The following SSRP1 variants were observed in gnomAD, a reference collection of about 807,000 sequenced individuals.
SSRP1 encodes FACT complex subunit SSRP1.
In SSRP1, 21 loss-of-function variants were observed where a neutral mutation model predicts 84.4. That is an observed-to-expected ratio of 0.25 (90% CI 0.18 to 0.36). The LOEUF is 0.36. SSRP1 is among the 10% of genes least tolerant of loss of function. The pLI is 1.00. For synonymous variants in SSRP1, 319 were observed against 318.3 expected (o/e 1.00, Z -0.02); for missense variants, 519 against 900.8 (o/e 0.58, Z 5.43).
Position 57,334,601 on chromosome 11 carries a change from A to G in SSRP1, c.102T>C (p.Asn34=), listed in dbSNP as rs150859408. 52 of 1,614,068 alleles carry G rather than the reference A, an allele frequency of 3.2e-5. No homozygotes were observed. In the African/African-American group the frequency reaches 6.0e-4, roughly 19 times the overall value. Residue 34 remains asparagine, a synonymous_variant, in exon 3 of 17, where the codon AAT becomes AAC. Transcript: ENST00000278412. Reference sequence around the variant, plus strand: ...TGTTGTCCACTTTGCCTGTCTTGCTATTCTTGAAGATGATGCCCTGACGGC... The same window carrying G: ...TGTTGTCCACTTTGCCTGTCTTGCTGTTCTTGAAGATGATGCCCTGACGGC... The part of the protein sequence containing the change: ...RLSRQGIIFK[N]SKTGKVDNIQ...
chr11:57,328,387 C>T lies in SSRP1; in HGVS notation c.1521G>A (p.Glu507=). The T allele has an allele frequency of 1.2e-6, 2 of 1,614,230 alleles. No individual in the cohort carries two copies. The highest frequency in any genetic ancestry group is 8.5e-7 in the Non-Finnish European group (1 of 1,180,042). ...TCTTCTCATCCCGGTCACTGTCACC[C>T]TCATTACTGGAGGAGCTGGCAGAGG... ...SNASASSSSN[E]GDSDRDEKKR... The change falls in exon 13 of 17, where the codon GAG becomes GAA. Residue 507 remains glutamate (E), a synonymous_variant. Transcript: ENST00000278412.
At position 57,326,721 on chromosome 11, in the gene SSRP1, C is replaced by T; in HGVS notation, c.2040G>A (p.Lys680=). The T allele has an allele frequency of 6.2e-7, 1 of 1,613,860 alleles. No homozygotes were observed. The highest frequency in any genetic ancestry group is 8.5e-7 in the Non-Finnish European group (1 of 1,179,828). The change falls in exon 16 of 17, where the codon AAG becomes AAA. Residue 680 remains lysine (K), a synonymous_variant. Coordinates refer to ENST00000278412, the MANE Select transcript of SSRP1 (RefSeq NM_003146.3). ...ESSSGENKSK[K]KRRRSEDSEE... is the part of the protein sequence containing the mutation. The stretch of plus-strand genomic sequence containing the variant: ...GCCGCACCTCGCTCCTCCTCCTCTT[C>T]TTTTTGCTCTTGTTCTCTCCCGAAG...
chr11:57,333,100 G>T lies in SSRP1; in HGVS notation c.396C>A (p.Pro132=). The T allele has an allele frequency of 6.2e-7, 1 of 1,614,002 alleles. No homozygotes were observed. The highest frequency in any genetic ancestry group is 8.5e-7 in the Non-Finnish European group (1 of 1,179,944). ...TGGTGCACTGGGACACATTGCTGAG[G>T]GGTATCTCAAAGACTGGCTGGTCAC... ...DIGDQPVFEI[P]LSNVSQCTTG... The change falls in exon 5 of 17, where the codon CCC becomes CCA. Residue 132 remains proline (P), a synonymous_variant. Coordinates refer to ENST00000278412, the MANE Select transcript of SSRP1 (RefSeq NM_003146.3).
chr11:57,330,764 AAG>A lies in SSRP1; in HGVS notation c.1296+89_1296+90del. 1 of 1,600,776 alleles carries A rather than the reference AAG, an allele frequency of 6.2e-7. No individual in the cohort carries two copies. The highest frequency in any genetic ancestry group is 8.5e-7 in the Non-Finnish European group (1 of 1,172,584). On this transcript the variant is annotated intron_variant, in intron 10 of 16. Transcript: ENST00000278412. This position sits in a 1 kb window ranked among gnomAD's most constrained non-coding sequence, Gnocchi z 4.0. ...TTTCTATAAGGGTAAGAAGAGAAGA[AAG>A]AGTGAAAAAGAAGCCGGAAAAAATC...
In SSRP1 at chr11:57,330,320, T is replaced by A; in HGVS notation, c.1406A>T (p.Asp469Val). The change falls in exon 11 of 17, where the codon GAC becomes GTC. Residue 469 changes from aspartate to valine, a missense_variant. Transcript: ENST00000278412. This position sits in a 1 kb window ranked among gnomAD's most constrained non-coding sequence, Gnocchi z 4.0. ...EGKIREENAN[D>V]SSDDSGEETD... Reference sequence around the variant, plus strand: ...TTCTTCTCCTGAGTCATCGCTGCTGTCATTGGCATTCTCCTCCCGGATCTT... The same window carrying A: ...TTCTTCTCCTGAGTCATCGCTGCTGACATTGGCATTCTCCTCCCGGATCTT... The A allele has an allele frequency of 6.2e-7, 1 of 1,614,230 alleles. No individual in the cohort carries two copies. Among genetic ancestry groups the A allele is most frequent in the East Asian group, 2.2e-5 (1 of 44,878 alleles).
Position 57,328,299 on chromosome 11 carries a change from C to G in SSRP1, c.1609G>C (p.Glu537Gln). 6.2e-7 allele frequency: 1 copy of G among 1,614,162 alleles called. No individual in the cohort carries two copies. Among genetic ancestry groups the G allele is most frequent in the Non-Finnish European group, 8.5e-7 (1 of 1,179,984 alleles). ...KDRKSRKKPV[E>Q]VKKGKDPNAP... Reference sequence around the variant, plus strand: ...GCCCTCCCATCTACAGTCTGCACCTCCACAGGCTTCTTGCGGCTCTTGCGG... The same window carrying G: ...GCCCTCCCATCTACAGTCTGCACCTGCACAGGCTTCTTGCGGCTCTTGCGG... Residue 537 changes from glutamate (E) to glutamine (Q), a missense_variant and splice_region_variant, in exon 13 of 17, where the codon GAG (glutamate) becomes CAG (glutamine). Glu to Gln is a conservative substitution (Grantham distance 29). Coordinates refer to ENST00000278412, the MANE Select transcript of SSRP1 (RefSeq NM_003146.3).
Position 57,330,923 on chromosome 11 carries a change from C to T in SSRP1, c.1228G>A (p.Glu410Lys). Residue 410 changes from glutamate to lysine, a missense_variant, in exon 10 of 17, where the codon GAG becomes AAG. Physicochemically the swap from Glu to Lys is moderately conservative, Grantham distance 56. Coordinates refer to ENST00000278412, the MANE Select transcript of SSRP1 (RefSeq NM_003146.3). This position sits in a 1 kb window ranked among gnomAD's most constrained non-coding sequence, Gnocchi z 4.0. ...ACAAAATCAAACAGTTTCCCGTACT[C>T]CTCCCTGTGAGGGGACATGCACCAT... ...QYTFSSIEREEYGKLFDFVNA... is the reference protein window; with the variant it reads ...QYTFSSIEREKYGKLFDFVNA... 6.2e-7 allele frequency: 1 copy of T among 1,614,178 alleles called. No homozygotes were observed. Among genetic ancestry groups the T allele is most frequent in the Non-Finnish European group, 8.5e-7 (1 of 1,180,030 alleles).
In SSRP1 at chr11:57,327,433, A is replaced by G; in HGVS notation, c.1864T>C (p.Ser622Pro). 1 of 1,613,678 alleles carries G rather than the reference A, an allele frequency of 6.2e-7. No homozygotes were observed. The highest frequency in any genetic ancestry group is 8.5e-7 in the Non-Finnish European group (1 of 1,179,962). ...KEYEGGRGES[S>P]KRDKSKKKKK... The stretch of plus-strand genomic sequence containing the variant: ...CATGTTCTCGACACTCACCTCTTAG[A>G]AGACTCGCCTCGGCCCCCTTCATAT... The change falls in exon 15 of 17, where the codon TCT becomes CCT. Residue 622 changes from serine to proline, a missense_variant. By Grantham distance (74) the Ser-to-Pro change is moderately conservative. Around this residue, in one of 7 missense-constraint regions of SSRP1, gnomAD observed 197 missense variants for 265.0 expected, o/e 0.74. Transcript: ENST00000278412.
rs1478842710 is a variant in SSRP1, at chr11:57,332,411, C to A, written c.844G>T (p.Asp282Tyr). ...FLILLFSKDE[D>Y]ISLTLNMNEE... Reference sequence around the variant, plus strand: ...TTCATGTTCAGAGTCAACGAAATGTCCTCGTCCTTGGAGAAGAGGAGGATC... The same window carrying A: ...TTCATGTTCAGAGTCAACGAAATGTACTCGTCCTTGGAGAAGAGGAGGATC... Residue 282 changes from aspartate (D) to tyrosine (Y), a missense_variant, in exon 7 of 17, where the codon GAC becomes TAC. Around this residue, in one of 7 missense-constraint regions of SSRP1, gnomAD observed 159 missense variants for 359.0 expected, o/e 0.44. Transcript: ENST00000278412. This position sits in a 1 kb window ranked among gnomAD's most constrained non-coding sequence, Gnocchi z 5.5. The A allele has an allele frequency of 1.2e-6, 2 of 1,613,982 alleles. No individual in the cohort carries two copies. Among genetic ancestry groups the A allele is most frequent in the African/African-American group, 2.7e-5 (2 of 74,890 alleles).
intron 16 of SSRP1, 73 bp downstream of exon 16, chr11:57,326,630 T>A: frequency 1.3e-6 from 2 of 1,577,742 alleles, no homozygotes; most frequent in Non-Finnish European, 1.7e-6. Flanking sequence ...TCATTACTCT[T>A]ACAGACCAAC....
rs140679224 is a variant in SSRP1 at position 57,332,792 on chromosome 11, T to C, written c.601A>G (p.Ile201Val). Residue 201 changes from isoleucine (I) to valine (V), a missense_variant, in exon 6 of 17, where the codon ATC (isoleucine) becomes GTC (valine). Physicochemically the swap from Ile to Val is conservative, Grantham distance 29 (BLOSUM62 3). Coordinates refer to ENST00000278412, the MANE Select transcript of SSRP1 (RefSeq NM_003146.3). This position sits in a 1 kb window ranked among gnomAD's most constrained non-coding sequence, Gnocchi z 5.5. ...GTCAGACACTGCAGCTCCCGGAAGA[T>C]GCAGATGGCATCTCCCGTGGCCTGG... ...VIQATGDAICIFRELQCLTPR... is the reference protein window; with the variant it reads ...VIQATGDAICVFRELQCLTPR... The C allele has an allele frequency of 6.9e-4, 1,108 of 1,614,100 alleles. 3 individuals are homozygous for C. The highest frequency in any genetic ancestry group is 5.3e-4 in the Non-Finnish European group (627 of 1,180,012).
intron 13 of SSRP1, 101 bp from the exon 14 acceptor site, chr11:57,327,983 C>T (rs1856017941): frequency 7.0e-7 from 1 of 1,423,114 alleles, no homozygotes; most frequent in Non-Finnish European, 9.6e-7. Context: ...AAGTGGAGGA[C>T]TAAATAGCAT....
At chr11:57,328,782 A>G in intron 12 of SSRP1, 1 of 204,104 alleles carries the variant, frequency 4.9e-6, no homozygotes, top group Non-Finnish European at 9.8e-6. Flanking sequence ...AACATGGCCC[A>G]AATCCACTTC....
chr11:57,326,248 T>G lies in SSRP1; in HGVS notation c.*159A>C, dbSNP rs1392420547. 1 of 682,150 alleles carries G rather than the reference T, an allele frequency of 1.5e-6. No homozygotes were observed. The highest frequency in any genetic ancestry group is 1.8e-5 in the African/African-American group (1 of 55,622). 42.3% of individuals were successfully genotyped at this position (682,150 alleles called of 1,614,324 possible). A position where few individuals can be genotyped will look rare whatever the true frequency, so the allele number is the denominator to read the frequency against. The stretch of plus-strand genomic sequence containing the variant: ...CTTGGGAAGCAGCAGAGTTAAGACG[T>G]CTCCCCACTGCCCTAGTGACATACA... On this transcript the variant is annotated 3_prime_UTR_variant, in exon 17 of 17. Transcript: ENST00000278412.
chr11:57,335,202 C>G lies in SSRP1; in HGVS notation c.-81G>C. On this transcript the variant is annotated 5_prime_UTR_variant, in exon 2 of 17. Coordinates refer to ENST00000278412, the MANE Select transcript of SSRP1 (RefSeq NM_003146.3). The surrounding 1 kb of genome is among the most constrained non-coding windows in gnomAD (Gnocchi z 4.6). ...AAGTAAACTGGGAGCTGGGCCCCAA[C>G]TCCTGAGTGGGTGTGCGGATGCTCA... is the stretch of plus-strand genomic sequence containing the variant. The G allele has an allele frequency of 6.9e-7, 1 of 1,445,222 alleles. No homozygotes were observed. Among genetic ancestry groups the G allele is most frequent in the African/African-American group, 1.4e-5 (1 of 71,650 alleles). The allele number at this position is 1,445,222 out of a possible 1,614,324, so 89.5% of individuals were successfully genotyped here. A position where few individuals can be genotyped will look rare whatever the true frequency, so the allele number is the denominator to read the frequency against.
intron 2 of SSRP1, among the ~76,000 whole-genome samples, 165 bp downstream of exon 2, chr11:57,334,903 G>A (rs964645562): frequency 6.6e-6 from 1 of 152,232 alleles, no homozygotes; most frequent in African/African-American, 2.4e-5. Flanking sequence ...ATAACTCTGA[G>A]ACTATCTCTC....
At position 57,327,820 on chromosome 11, in the gene SSRP1, G is replaced by A; in HGVS notation, c.1674C>T (p.Leu558=). Residue 558 remains leucine (L), a synonymous_variant, in exon 14 of 17, where the codon CTC becomes CTT. Coordinates refer to ENST00000278412, the MANE Select transcript of SSRP1 (RefSeq NM_003146.3). ...ACTTGATCTTCTCTCGGCTGGCATT[G>A]AGCCACAGCATGTATGCAGACATGG... ...KRPMSAYMLW[L]NASREKIKSD... is the part of the protein sequence containing the mutation. The A allele has an allele frequency of 6.2e-7, 1 of 1,614,144 alleles. No homozygotes were observed.
chr11:57,332,279 C>T lies in SSRP1; in HGVS notation c.874G>A (p.Glu292Lys). The T allele has an allele frequency of 2.5e-6, 4 of 1,614,104 alleles. No individual in the cohort carries two copies. The highest frequency in any genetic ancestry group is 3.4e-6 in the Non-Finnish European group (4 of 1,180,034). ...CCCTCAAAGCGCTTCTCCACTTCTT[C>T]CCTACAAAGAAAGCAAGGTGAGGTC... ...DISLTLNMNE[E>K]EVEKRFEGRL... The change falls in exon 8 of 17, where the codon GAA (glutamate) becomes AAA (lysine). Residue 292 changes from glutamate to lysine, a missense_variant and splice_region_variant. Transcript: ENST00000278412. The surrounding 1 kb of genome is among the most constrained non-coding windows in gnomAD (Gnocchi z 5.5).
intron 2 of SSRP1, among the ~76,000 whole-genome samples, chr11:57,334,859 A>G (rs144514172): frequency 1.3e-5 from 2 of 152,360 alleles, no homozygotes; most frequent in African/African-American, 4.8e-5. Context: ...TTTGTAAAAC[A>G]GGAATTGGGA....
Sources: allele counts gnomAD v4.1 joint callset (sites outside exome capture counted in the v4.1 genomes callset), GRCh38; gene constraint gnomAD v4.1.1; regional missense constraint gnomAD v4.1.1; non-coding constraint Gnocchi (gnomAD v3.1); transcripts MANE v1.5; gene names NCBI Gene and HGNC (gene_info 2026-07-23, HGNC 2026-07-21).